METTL9: variants seen among roughly 807,000 people sequenced by gnomAD.
METTL9 encodes the protein methyltransferase 9, His-X-His N1(pi)-histidine, also known as protein-L-histidine N-pros-methyltransferase.
A neutral mutation model predicts 36.0 loss-of-function variants in METTL9; 10 were observed. The ratio of observed to expected loss-of-function variants is 0.28; its 90% confidence interval spans 0.17 to 0.47. The LOEUF is 0.47. Ranked by LOEUF, METTL9 falls within the 20% of genes least tolerant of loss-of-function variation. The probability of loss-of-function intolerance (pLI) is 0.99; values close to 1 mark genes in which losing one functional copy is unlikely to be tolerated. For missense variants in METTL9, 246 were observed against 383.5 expected (o/e 0.64, Z 3.00); for synonymous variants, 175 against 149.7 (o/e 1.17, Z -1.23).
At chr16:21,636,030 C>T (rs549496542) in intron 4 of METTL9, among the ~76,000 whole-genome samples, 1 of 152,198 alleles carries the variant, frequency 6.6e-6, no homozygotes, top group African/African-American at 2.4e-5. Flanking sequence ...GATGCATTCT[C>T]AAAAACCTGT....
intron 4 of METTL9, among the ~76,000 whole-genome samples, chr16:21,648,408 A>G (rs1381481751): frequency 2.0e-5 from 3 of 152,192 alleles, no homozygotes; most frequent in Non-Finnish European, 4.4e-5. Flanking sequence ...TGCCTAAGCT[A>G]TAGTAAGTAT....
intron 1 of METTL9, among the ~76,000 whole-genome samples, chr16:21,601,570 T>C (rs1965127460): frequency 6.6e-6 from 1 of 152,156 alleles, no homozygotes; most frequent in Non-Finnish European, 1.5e-5. Flanking sequence ...AACACTGTGA[T>C]GTGTATGGAG....
At chr16:21,631,928 GTCTC>G (rs889649354) in intron 4 of METTL9, among the ~76,000 whole-genome samples, 3 of 151,762 alleles carry the variant, frequency 2.0e-5, no homozygotes, top group African/African-American at 4.8e-5. Flanking sequence ...CTTTTTCTTT[GTCTC>G]TCTCTCTCAC....
chr16:21,648,541 C>T (rs954135781), intron 4 of METTL9, among the ~76,000 whole-genome samples: 2 of 152,196 alleles, frequency 1.3e-5, no homozygotes, highest in Non-Finnish European at 2.9e-5. Context: ...TGGGATTAGT[C>T]ACCCACTCCA....
At chr16:21,643,694 T>G (rs1966339301) in intron 4 of METTL9, 2 of 766,780 alleles carry the variant, frequency 2.6e-6, no homozygotes, top group African/African-American at 1.8e-5. Context: ...ACTAACTTAA[T>G]ATTTAAGTGA....
At chr16:21,639,956 T>TATTTATTTATTTA (rs200834716) in intron 4 of METTL9, 2 of 152,120 alleles carry the variant, frequency 1.3e-5, no homozygotes. Flanking sequence ...TTTATTTATT[T>TATTTATTTATTTA]TTGAGACAGT....
At chr16:21,636,393 C>T (rs112300703) in intron 4 of METTL9, among the ~76,000 whole-genome samples, 2,596 of 152,248 alleles carry the variant, frequency 0.017, 38 homozygotes, top group Middle Eastern at 0.031. Context: ...TACTAGAAAT[C>T]ATCCTCATAG....
chr16:21,612,336 C>A (rs1965444462), intron 1 of METTL9: 1 of 216,346 alleles, frequency 4.6e-6, no homozygotes, highest in African/African-American at 2.3e-5. Context: ...AGTCCGAGTG[C>A]CTGAGCTGTG....
intron 4 of METTL9, chr16:21,647,441 A>G: frequency 6.2e-7 from 1 of 1,614,020 alleles, no homozygotes; most frequent in Non-Finnish European, 8.5e-7. Flanking sequence ...AGTGTAGTCC[A>G]CTTCTAGGTA....
chr16:21,627,867 G>T (rs1319985317), intron 4 of METTL9, among the ~76,000 whole-genome samples: 1 of 152,144 alleles, frequency 6.6e-6, no homozygotes, highest in South Asian at 2.1e-4. Context: ...GTGGGAGAAC[G>T]GCGTGAACCC....
chr16:21,611,368 C>G (rs1328544177), intron 1 of METTL9, among the ~76,000 whole-genome samples: 1 of 152,162 alleles, frequency 6.6e-6, no homozygotes, highest in Non-Finnish European at 1.5e-5. Context: ...TAAAGCTGGT[C>G]TACCAATTGT....
At chr16:21,652,753 A>G (rs1196403455) in intron 4 of METTL9, 1 of 564,932 alleles carries the variant, frequency 1.8e-6, no homozygotes, top group Non-Finnish European at 3.2e-6. Context: ...TCACCATTTA[A>G]CATTGAGATT....
At chr16:21,644,301 G>A (rs771542747) in intron 4 of METTL9, 5 of 1,610,148 alleles carry the variant, frequency 3.1e-6, no homozygotes, top group Non-Finnish European at 4.3e-6. Flanking sequence ...TTGGAGAGGA[G>A]TATGAAGGCC....
chr16:21,599,745 G>T lies in METTL9; in HGVS notation c.12G>T (p.Leu4=). The T allele has an allele frequency of 6.6e-7, 1 of 1,522,914 alleles. No individual in the cohort carries two copies. 94.3% of individuals were successfully genotyped at this position (1,522,914 alleles called of 1,614,324 possible). The change falls in exon 1 of 5, where the codon CTG becomes CTT. Residue 4 remains leucine (L), a synonymous_variant. Transcript: ENST00000358154. The surrounding 1 kb of genome is among the most constrained non-coding windows in gnomAD (Gnocchi z 4.4). ...GGCCGCGGCCCCCGATGAGACTGCT[G>T]GCGGGCTGGCTGTGCCTGAGCCTGG... MRL[L]AGWLCLSLAS...
intron 4 of METTL9, among the ~76,000 whole-genome samples, chr16:21,637,788 A>G (rs1476489411): frequency 6.6e-6 from 1 of 152,246 alleles, no homozygotes; most frequent in African/African-American, 2.4e-5. Context: ...GGCCTCGGCC[A>G]GCCACAGAGA....
intron 3 of METTL9, among the ~76,000 whole-genome samples, chr16:21,624,196 TA>T (rs1965770163): frequency 6.6e-6 from 1 of 152,238 alleles, no homozygotes; most frequent in South Asian, 2.1e-4. Context: ...CAGCCATTTT[TA>T]AGAATAGAAG....
At chr16:21,604,995 T>A (rs1284749000) in intron 1 of METTL9, among the ~76,000 whole-genome samples, 1 of 152,158 alleles carries the variant, frequency 6.6e-6, no homozygotes, top group East Asian at 1.9e-4. Context: ...GGCCTTCTAT[T>A]GTGTGCCAGG....
intron 2 of METTL9, 104 bp from the exon 3 acceptor site, chr16:21,617,761 G>T: frequency 9.9e-7 from 1 of 1,014,314 alleles, no homozygotes; most frequent in South Asian, 1.4e-5. Flanking sequence ...TGTAATAAGT[G>T]ATTATGGTTG....
chr16:21,613,915 G>C (rs1165868289), intron 2 of METTL9, among the ~76,000 whole-genome samples: 1 of 149,534 alleles, frequency 6.7e-6, no homozygotes, highest in East Asian at 2.0e-4. Context: ...AAAGAGAAAA[G>C]CAACAGGCTC....
Sources: allele counts gnomAD v4.1 joint callset (sites outside exome capture counted in the v4.1 genomes callset), GRCh38; gene constraint gnomAD v4.1.1; non-coding constraint Gnocchi (gnomAD v3.1); transcripts MANE v1.5; gene names NCBI Gene and HGNC (gene_info 2026-07-23, HGNC 2026-07-21).